FLT1: variants seen among roughly 807,000 people sequenced by gnomAD.
The protein encoded by FLT1 is vascular endothelial growth factor receptor 1.
A neutral mutation model predicts 156.3 loss-of-function variants in FLT1; 49 were observed. The observed-to-expected ratio is 0.31, with a 90% CI of 0.25 to 0.40. The LOEUF is 0.40. Ranked by LOEUF, FLT1 falls within the 10% of genes least tolerant of loss-of-function variation. The pLI is 1.00. For missense variants in FLT1, 1,322 were observed against 1,637.2 expected, an observed-to-expected ratio of 0.81 and a Z score of 3.32; for synonymous variants, 594 against 583.8, an observed-to-expected ratio of 1.02 and a Z score of -0.25.
intron 26 of FLT1, 79 bp downstream of exon 26, chr13:28,311,914 G>T: frequency 2.7e-6 from 3 of 1,102,668 alleles, no homozygotes; most frequent in East Asian, 4.7e-5. Context: ...TATATTAATA[G>T]CTCTTAAAAA....
chr13:28,419,425 A>C (rs967212727), intron 10 of FLT1, among the ~76,000 whole-genome samples: 7 of 152,242 alleles, frequency 4.6e-5, no homozygotes, highest in Non-Finnish European at 8.8e-5. Context: ...TCTAGATTCA[A>C]TAATAAAAAT....
At chr13:28,332,066 A>C (rs1871952786) in intron 18 of FLT1, among the ~76,000 whole-genome samples, 1 of 152,090 alleles carries the variant, frequency 6.6e-6, no homozygotes, top group African/African-American at 2.4e-5. Flanking sequence ...TCTACAAAAA[A>C]AAATTTTTTG....
intron 4 of FLT1, among the ~76,000 whole-genome samples, chr13:28,435,076 A>G (rs8001784): frequency 0.78 from 117,969 of 152,078 alleles, 45,967 homozygotes; most frequent in African/African-American, 0.82. Context: ...ACATTAACTC[A>G]GCACTCACTG....
Position 28,474,247 on chromosome 13 carries a change from G to C in FLT1, c.65-6630C>G, listed in dbSNP as rs1013128845. Among the ~76,000 whole-genome samples the C allele has an allele frequency of 3.3e-5, 5 of 152,260 alleles. No homozygotes were observed. The East Asian group carries it at 5.8e-4, about 18-fold the overall frequency. The stretch of plus-strand genomic sequence containing the variant: ...GAGGCAGCTGTATCACCTGAGGTCA[G>C]GAGTTCGAGACCAGTTTGAACAACA... On this transcript the variant is annotated intron_variant, in intron 1 of 29. Transcript: ENST00000282397.
chr13:28,415,830 A>G (rs1442385322), intron 10 of FLT1, among the ~76,000 whole-genome samples: 1 of 152,222 alleles, frequency 6.6e-6, no homozygotes, highest in Non-Finnish European at 1.5e-5. Context: ...TGAAACAGCC[A>G]CCATTTCTGG....
At chr13:28,349,591 C>G (rs963854454) in intron 15 of FLT1, among the ~76,000 whole-genome samples, 2 of 152,228 alleles carry the variant, frequency 1.3e-5, no homozygotes, top group African/African-American at 4.8e-5. Context: ...CTGATAGCAT[C>G]TTGAGACATT....
chr13:28,330,773 G>A (rs1871900762), intron 18 of FLT1, among the ~76,000 whole-genome samples: 1 of 151,576 alleles, frequency 6.6e-6, no homozygotes, highest in African/African-American at 2.4e-5. Flanking sequence ...GCGTGCATTG[G>A]TGCGATCTCG....
At chr13:28,400,956 C>T (rs1051382054) in intron 11 of FLT1, among the ~76,000 whole-genome samples, 1 of 152,108 alleles carries the variant, frequency 6.6e-6, no homozygotes, top group African/African-American at 2.4e-5. Flanking sequence ...CCTGATGCGG[C>T]GGCTCAGGCC....
chr13:28,379,673 C>G (rs1873993424), intron 14 of FLT1, among the ~76,000 whole-genome samples: 1 of 152,220 alleles, frequency 6.6e-6, no homozygotes, highest in Non-Finnish European at 1.5e-5. Flanking sequence ...CCAAGATTGT[C>G]TCTTGCAATC....
intron 14 of FLT1, among the ~76,000 whole-genome samples, chr13:28,361,280 A>T (rs1269538032): frequency 6.6e-6 from 1 of 152,018 alleles, no homozygotes; most frequent in Non-Finnish European, 1.5e-5. Flanking sequence ...CTCCATCTCA[A>T]AAAACAAAAA....
At chr13:28,372,569 T>A (rs1182598233) in intron 14 of FLT1, among the ~76,000 whole-genome samples, 1 of 12,142 alleles carries the variant, frequency 8.2e-5, no homozygotes, top group Non-Finnish European at 1.5e-4. Flanking sequence ...ATAAAATGTA[T>A]ATATATATAT....
intron 20 of FLT1, among the ~76,000 whole-genome samples, chr13:28,324,111 G>A (rs945956141): frequency 2.0e-5 from 3 of 152,282 alleles, no homozygotes; most frequent in East Asian, 1.9e-4. Flanking sequence ...AGTTCTGGGT[G>A]TTCATGGGAA....
At chr13:28,447,762 A>T (rs1040368988) in intron 3 of FLT1, among the ~76,000 whole-genome samples, 66 of 151,604 alleles carry the variant, frequency 4.4e-4, no homozygotes, top group African/African-American at 1.4e-3. Context: ...ATATATTTTT[A>T]AAATCTACAT....
At chr13:28,332,952 G>T (rs973261731) in intron 18 of FLT1, among the ~76,000 whole-genome samples, 10 of 152,214 alleles carry the variant, frequency 6.6e-5, no homozygotes, top group African/African-American at 2.4e-4. Context: ...CGTCTGGGAA[G>T]TCTACCCCAA....
chr13:28,345,599 A>G (rs1872535954), intron 15 of FLT1, 48 bp from the exon 16 acceptor site: 1 of 1,140,286 alleles, frequency 8.8e-7, no homozygotes, highest in Non-Finnish European at 1.3e-6. Flanking sequence ...GAAATTCCCA[A>G]ACTCAGAATC....
chr13:28,422,692 C>G (rs1256367964), intron 10 of FLT1, among the ~76,000 whole-genome samples: 1 of 152,142 alleles, frequency 6.6e-6, no homozygotes, highest in Non-Finnish European at 1.5e-5. Context: ...TTGTGGGGAA[C>G]AGATGAGCGC....
intron 25 of FLT1, among the ~76,000 whole-genome samples, chr13:28,316,147 G>C (rs117725653): frequency 6.6e-6 from 1 of 152,092 alleles, no homozygotes; most frequent in Non-Finnish European, 1.5e-5. Context: ...GTCCCCTCCC[G>C]CTTCCCTACG....
chr13:28,331,574 G>A (rs548394855), intron 18 of FLT1, among the ~76,000 whole-genome samples: 65 of 152,310 alleles, frequency 4.3e-4, no homozygotes, highest in Admixed American at 1.0e-3. Flanking sequence ...GGGACTACAG[G>A]TGCCCACCAC....
chr13:28,341,147 ATAGGCGGTGG>A (rs1326275886), intron 16 of FLT1, among the ~76,000 whole-genome samples: 1 of 152,130 alleles, frequency 6.6e-6, no homozygotes, highest in African/African-American at 2.4e-5. Context: ...AGGCAGGGGA[ATAGGCGGTGG>A]TAGGCAGTCT....
Sources: gnomAD v4.1 joint callset for allele counts (sites outside exome capture counted in the v4.1 genomes callset) on GRCh38, gnomAD v4.1.1 for gene constraint, MANE v1.5 for transcripts, NCBI Gene and HGNC (gene_info 2026-07-23, HGNC 2026-07-21) for gene names.